Variants in GALNT17 observed in about 807,000 individuals in gnomAD.
GALNT17 encodes the protein polypeptide N-acetylgalactosaminyltransferase 17, also known as UDP-GalNAc:polypeptide N-acetylgalactosaminyltransferase-like 3.
GALNT17 carries 29 observed loss-of-function variants against 63.7 expected under a neutral mutation model. The ratio of observed to expected loss-of-function variants is 0.46; its 90% confidence interval spans 0.34 to 0.62. The LOEUF is 0.62. Ranked by LOEUF, GALNT17 falls within the 20% of genes least tolerant of loss-of-function variation. The probability of loss-of-function intolerance (pLI) is 0.01; values close to 1 mark genes in which losing one functional copy is unlikely to be tolerated. For synonymous variants in GALNT17, 305 were observed against 318.3 expected (o/e 0.96, Z 0.45); for missense variants, 603 against 799.6 (o/e 0.75, Z 2.97).
chr7:71,250,194 G>A (rs936639752), intron 1 of GALNT17, among the ~76,000 whole-genome samples: 7 of 152,258 alleles, frequency 4.6e-5, no homozygotes, highest in Non-Finnish European at 1.0e-4. Context: ...TTACCTTGAG[G>A]TAACAAATTA....
intron 9 of GALNT17, among the ~76,000 whole-genome samples, chr7:71,692,911 G>C (rs1584142092): frequency 6.6e-6 from 1 of 151,106 alleles, no homozygotes; most frequent in East Asian, 2.0e-4. Flanking sequence ...GCTAATTTTT[G>C]AATTTTTAGT....
intron 8 of GALNT17, among the ~76,000 whole-genome samples, chr7:71,674,348 TTAA>T (rs1562731267): frequency 2.1e-5 from 3 of 146,084 alleles, no homozygotes; most frequent in Non-Finnish European, 3.0e-5. Flanking sequence ...CTCTTCCTTT[TTAA>T]AAAAAAAAAA....
intron 5 of GALNT17, among the ~76,000 whole-genome samples, chr7:71,432,418 T>G (rs968611979): frequency 1.3e-5 from 2 of 152,144 alleles, no homozygotes; most frequent in South Asian, 2.1e-4. Flanking sequence ...CTACTCAACC[T>G]CCAGCCCTTG....
At chr7:71,268,515 C>T (rs1790530841) in intron 1 of GALNT17, among the ~76,000 whole-genome samples, 1 of 151,438 alleles carries the variant, frequency 6.6e-6, no homozygotes, top group African/African-American at 2.4e-5. Context: ...AGCACCACTG[C>T]ACTCCAGCCT....
chr7:71,330,309 G>A (rs4283926), intron 1 of GALNT17, among the ~76,000 whole-genome samples: 82,141 of 152,030 alleles, frequency 0.54, 22,450 homozygotes, highest in Non-Finnish European at 0.57. Flanking sequence ...CACCGTGCCC[G>A]GCTGGACAAG....
chr7:71,256,181 G>T (rs1022436776), intron 1 of GALNT17, among the ~76,000 whole-genome samples: 1 of 152,104 alleles, frequency 6.6e-6, no homozygotes, highest in South Asian at 2.1e-4. Context: ...CCTGTGACCC[G>T]CAAGCCCCCG....
At chr7:71,294,095 G>A (rs923422836) in intron 1 of GALNT17, among the ~76,000 whole-genome samples, 9 of 151,226 alleles carry the variant, frequency 6.0e-5, no homozygotes, top group Non-Finnish European at 1.2e-4. Context: ...CCGGGAGGTG[G>A]AGCTTGCAGT....
intron 1 of GALNT17, among the ~76,000 whole-genome samples, chr7:71,227,227 G>C (rs942081549): frequency 1.3e-5 from 2 of 151,132 alleles, no homozygotes; most frequent in African/African-American, 4.9e-5. Flanking sequence ...AGCTGGGCAT[G>C]GTGGTATGTG....
chr7:71,336,433 G>A lies in GALNT17; in HGVS notation c.422+700G>A, dbSNP rs189141411. ...TAATTGCATGTCACAGGGGTTCAGC[G>A]TACAGATCATTTCATCTCCCAGATA... On this transcript the variant is annotated intron_variant, in intron 2 of 10. Coordinates refer to ENST00000333538, the MANE Select transcript of GALNT17 (RefSeq NM_022479.3). Among the ~76,000 whole-genome samples the A allele has an allele frequency of 2.7e-3, 410 of 152,206 alleles. 8 individuals carry two copies. The highest frequency in any genetic ancestry group is 1.6e-3 in the Non-Finnish European group (110 of 68,022).
intron 6 of GALNT17, among the ~76,000 whole-genome samples, chr7:71,586,938 CA>C (rs1562701454): frequency 1.3e-5 from 2 of 152,164 alleles, no homozygotes; most frequent in Non-Finnish European, 2.9e-5. Context: ...ACTGACCTAT[CA>C]AACACTAGGT....
chr7:71,132,999 G>C lies in GALNT17; in HGVS notation c.197G>C (p.Arg66Pro). ...CCCATCCAGGATGCGGTCCTGAAGC[G>C]CCTGTCGCTGCTGGAGGACATCGTG... is the stretch of plus-strand genomic sequence containing the variant. ...ASPIQDAVLKRLSLLEDIVYR... is the reference protein window; with the variant it reads ...ASPIQDAVLKPLSLLEDIVYR... Residue 66 changes from arginine to proline, a missense_variant, in exon 1 of 11, where the codon CGC (arginine) becomes CCC (proline). Around this residue, in one of 3 missense-constraint regions of GALNT17, gnomAD observed 195 missense variants for 215.0 expected, o/e 0.91. Coordinates refer to ENST00000333538, the MANE Select transcript of GALNT17 (RefSeq NM_022479.3). The C allele has an allele frequency of 6.3e-7, 1 of 1,599,998 alleles. No individual in the cohort carries two copies. Among genetic ancestry groups the C allele is most frequent in the Non-Finnish European group, 8.5e-7 (1 of 1,174,386 alleles).
At chr7:71,169,205 T>TA in intron 1 of GALNT17, among the ~76,000 whole-genome samples, 1 of 152,268 alleles carries the variant, frequency 6.6e-6, no homozygotes, top group Non-Finnish European at 1.5e-5. Flanking sequence ...CAAAAGTAAT[T>TA]ACGATTTTTG....
chr7:71,523,727 G>T (rs535468483), intron 5 of GALNT17, among the ~76,000 whole-genome samples: 24 of 150,416 alleles, frequency 1.6e-4, no homozygotes, highest in Admixed American at 5.3e-4. Context: ...TGGCAACAGA[G>T]CAAGACCCTG....
intron 6 of GALNT17, among the ~76,000 whole-genome samples, chr7:71,662,434 C>G (rs1790923038): frequency 6.6e-6 from 1 of 151,990 alleles, no homozygotes; most frequent in African/African-American, 2.4e-5. Context: ...TAAAATGTGC[C>G]ACTCAATGGT....
At chr7:71,613,036 T>G (rs1790148387) in intron 6 of GALNT17, among the ~76,000 whole-genome samples, 1 of 152,166 alleles carries the variant, frequency 6.6e-6, no homozygotes, top group South Asian at 2.1e-4. Context: ...CAGTAGACGT[T>G]TCTGATGCGG....
chr7:71,261,355 G>A (rs1169424797), intron 1 of GALNT17, among the ~76,000 whole-genome samples: 1 of 151,916 alleles, frequency 6.6e-6, no homozygotes, highest in African/African-American at 2.4e-5. Context: ...CAGAGCCACC[G>A]GAGCAAAAAT....
intron 5 of GALNT17, among the ~76,000 whole-genome samples, chr7:71,532,954 T>A (rs58587487): frequency 0.26 from 39,566 of 152,060 alleles, 5,414 homozygotes; most frequent in Admixed American, 0.31. Context: ...GGGGAGAGTG[T>A]GTGCCCCACC....
intron 8 of GALNT17, among the ~76,000 whole-genome samples, chr7:71,672,700 C>T (rs1044982972): frequency 5.3e-5 from 8 of 152,102 alleles, no homozygotes; most frequent in Admixed American, 2.6e-4. Flanking sequence ...TACAGGCACA[C>T]GCCACCACGC....
intron 3 of GALNT17, among the ~76,000 whole-genome samples, chr7:71,414,890 T>C (rs1400853716): frequency 6.6e-6 from 1 of 152,190 alleles, no homozygotes; most frequent in Non-Finnish European, 1.5e-5. Context: ...ATGCAGGACA[T>C]GTACCTGGAG....
Sources: allele counts gnomAD v4.1 joint callset (sites outside exome capture counted in the v4.1 genomes callset), GRCh38; gene constraint gnomAD v4.1.1; regional missense constraint gnomAD v4.1.1; transcripts MANE v1.5; gene names NCBI Gene and HGNC (gene_info 2026-07-23, HGNC 2026-07-21).